The following DERL1 variants were observed in gnomAD, a reference collection of about 807,000 sequenced individuals.
DERL1 encodes derlin-1.
A neutral mutation model predicts 41.6 loss-of-function variants in DERL1; 24 were observed. The ratio of observed to expected loss-of-function variants is 0.58; its 90% CI spans 0.42 to 0.81. The LOEUF (loss-of-function observed/expected upper bound fraction) is 0.81. Among genes scored for constraint, DERL1 ranks in the 30% least tolerant of loss-of-function variants. DERL1 has a pLI of 0.00. For missense variants in DERL1, 260 were observed against 314.3 expected, an observed-to-expected ratio of 0.83 and a Z score of 1.31; for synonymous variants, 124 against 112.5, an observed-to-expected ratio of 1.10 and a Z score of -0.65.
intron 7 of DERL1, 70 bp downstream of exon 7, chr8:123,019,125 G>T: frequency 9.5e-7 from 1 of 1,051,178 alleles, no homozygotes; most frequent in Non-Finnish European, 1.5e-6. Context: ...ACTCCTCATG[G>T]AGCTCTCATT....
At chr8:123,033,403 T>A (rs754750717) in intron 1 of DERL1, among the ~76,000 whole-genome samples, 2 of 152,232 alleles carry the variant, frequency 1.3e-5, no homozygotes, top group African/African-American at 2.4e-5. Context: ...TTCTACCTTT[T>A]TATACTTAAC....
Position 123,018,968 on chromosome 8 carries a change from C to G in DERL1, c.617+227G>C, listed in dbSNP as rs1814681463. ...GAGATGCCTCCTGTAATGTTGGAAT[C>G]TAGTTGTCAGTGGTCCCTGGCTAAA... On this transcript the variant is annotated intron_variant, in intron 7 of 7. Coordinates refer to ENST00000259512, the MANE Select transcript of DERL1 (RefSeq NM_024295.6). The G allele has an allele frequency of 9.4e-6, 5 of 530,942 alleles. No individual in the cohort carries two copies. In the South Asian group the frequency reaches 1.1e-4, roughly 12 times the overall value. The allele number at this position is 530,942 out of a possible 1,614,324, so 32.9% of individuals were successfully genotyped here.
chr8:123,038,050 T>C (rs1287795662), intron 1 of DERL1, among the ~76,000 whole-genome samples: 2 of 152,176 alleles, frequency 1.3e-5, no homozygotes, highest in African/African-American at 4.8e-5. Context: ...TAATGAGTCT[T>C]AACACACACC....
In DERL1 at chr8:123,026,447, TAC is replaced by T. The variant is rs146094878; in HGVS notation, c.266-1399_266-1398del. On this transcript the variant is annotated intron_variant, in intron 2 of 7. Transcript: ENST00000259512. ...ATTTACAAATTAACTGGTTTCAAAT[TAC>T]AGTCTTCCAGTTCAAATCAGAAACC... 7.4e-3 allele frequency among the ~76,000 whole-genome samples: 1,127 copies of T among 152,342 alleles called. 15 individuals carry two copies. Among genetic ancestry groups the T allele is most frequent in the African/African-American group, 0.026 (1,074 of 41,576 alleles).
chr8:123,041,971 T>G lies in DERL1; in HGVS notation c.152A>C (p.Gln51Pro). Residue 51 changes from glutamine to proline, a missense_variant and splice_region_variant, in exon 1 of 8, where the codon CAG (glutamine) becomes CCG (proline). By Grantham distance (76) the Gln-to-Pro change is moderately conservative (BLOSUM62 -1). Coordinates refer to ENST00000259512, the MANE Select transcript of DERL1 (RefSeq NM_024295.6). Reference sequence around the variant, plus strand: ...ACGCCCCCCGTCTCCGGTAAGTACCTGAAAGCGATAAAGGAAGGCTTCGGG... The same window carrying G: ...ACGCCCCCCGTCTCCGGTAAGTACCGGAAAGCGATAAAGGAAGGCTTCGGG... Reference protein sequence around the residue: ...LWPEAFLYRFQIWRPITATFY... With the variant: ...LWPEAFLYRFPIWRPITATFY... 1 of 1,609,020 alleles carries G rather than the reference T, an allele frequency of 6.2e-7. No individual in the cohort carries two copies. Among genetic ancestry groups the G allele is most frequent in the Non-Finnish European group, 8.5e-7 (1 of 1,176,788 alleles).
Position 123,030,629 on chromosome 8 carries a change from G to C in DERL1, c.241C>G (p.Gln81Glu). 1 of 1,608,284 alleles carries C rather than the reference G, an allele frequency of 6.2e-7. No individual in the cohort carries two copies. The highest frequency in any genetic ancestry group is 8.5e-7 in the Non-Finnish European group (1 of 1,176,806). Residue 81 changes from glutamine to glutamate, a missense_variant, in exon 2 of 8, where the codon CAG becomes GAG. Transcript: ENST00000259512. The stretch of plus-strand genomic sequence containing the variant: ...CCTGTTTCAAGTCGCGTAGAATACT[G>C]ATATAAGAAATATAAATTGACCAAA... Reference protein sequence around the residue: ...LYLVNLYFLYQYSTRLETGAF... With the variant: ...LYLVNLYFLYEYSTRLETGAF...
intron 1 of DERL1, among the ~76,000 whole-genome samples, chr8:123,040,490 G>A (rs147761426): frequency 4.5e-4 from 69 of 152,334 alleles, no homozygotes; most frequent in African/African-American, 1.5e-3. Flanking sequence ...ACAAGTTGGA[G>A]AGTAGTAGGA....
At position 123,042,097 on chromosome 8, in the gene DERL1, C is replaced by T; in HGVS notation, c.26G>A (p.Arg9Lys). 1 of 1,612,248 alleles carries T rather than the reference C, an allele frequency of 6.2e-7. No homozygotes were observed. Among genetic ancestry groups the T allele is most frequent in the Non-Finnish European group, 8.5e-7 (1 of 1,178,786 alleles). ...ATAGCGCGTGATCGCCGGGATGCTC[C>T]TGAACCAGTCTCCGATGTCCGACAT... MSDIGDWF[R>K]SIPAITRYWF... The change falls in exon 1 of 8, where the codon AGG (arginine) becomes AAG (lysine). Residue 9 changes from arginine to lysine, a missense_variant. Transcript: ENST00000259512.
chr8:123,037,661 T>C (rs776406569), intron 1 of DERL1, among the ~76,000 whole-genome samples: 2 of 152,198 alleles, frequency 1.3e-5, no homozygotes, highest in African/African-American at 2.4e-5. Context: ...TACATACTTA[T>C]TTTTTTCGTA....
chr8:123,020,182 A>C (rs921578721), intron 6 of DERL1, among the ~76,000 whole-genome samples: 1 of 152,228 alleles, frequency 6.6e-6, no homozygotes, highest in African/African-American at 2.4e-5. Flanking sequence ...TTTGTAGTAT[A>C]AGAAATGGGA....
chr8:123,022,575 A>G (rs763310870), intron 5 of DERL1, 109 bp downstream of exon 5: 2 of 1,012,406 alleles, frequency 2.0e-6, no homozygotes, highest in Non-Finnish European at 3.1e-6. Flanking sequence ...CCTATGGTAC[A>G]CTGCTCTGCA....
rs192415678 is a variant in DERL1, at chr8:123,023,781, T to C, written c.331-42A>G. The stretch of plus-strand genomic sequence containing the variant: ...AAAGATCAGACATAAAAAAGCATTC[T>C]GTACCTAGTCAAGACTGATGTGGTT... On this transcript the variant is annotated intron_variant, in intron 3 of 7. Transcript: ENST00000259512. The C allele has an allele frequency of 1.9e-6, 3 of 1,604,300 alleles. No homozygotes were observed. The East Asian group carries it at 6.7e-5, about 36-fold the overall frequency.
intron 3 of DERL1, among the ~76,000 whole-genome samples, chr8:123,023,965 T>A (rs1812624829): frequency 6.6e-6 from 1 of 152,226 alleles, no homozygotes. Context: ...TTTATATACA[T>A]ATTTTTTTAA....
chr8:123,041,957 C>G lies in DERL1; in HGVS notation c.153+13G>C, dbSNP rs758894726. 20 of 1,598,960 alleles carry G rather than the reference C, an allele frequency of 1.3e-5. No individual in the cohort carries two copies. The highest frequency in any genetic ancestry group is 6.0e-6 in the Non-Finnish European group (7 of 1,170,288). On this transcript the variant is annotated intron_variant, in intron 1 of 7. Coordinates refer to ENST00000259512, the MANE Select transcript of DERL1 (RefSeq NM_024295.6). ...GGCCTGTAGTCTCCACGCCCCCCGT[C>G]TCCGGTAAGTACCTGAAAGCGATAA...
In DERL1 at chr8:123,037,619, T is replaced by C. The variant is rs149310981; in HGVS notation, c.153+4351A>G. Among the ~76,000 whole-genome samples the C allele has an allele frequency of 1.1e-3, 174 of 152,354 alleles. No individual in the cohort carries two copies. The Middle Eastern group carries it at 0.027, about 24-fold the overall frequency. ...AGGAAAAACAATTTGCTATGATTGA[T>C]TTGGAAGAAATCACCTTCAAAAATG... On this transcript the variant is annotated intron_variant, in intron 1 of 7. Coordinates refer to ENST00000259512, the MANE Select transcript of DERL1 (RefSeq NM_024295.6).
At chr8:123,021,585 CA>C (rs1812541719) in intron 5 of DERL1, 86 bp from the exon 6 acceptor site, 2 of 1,198,276 alleles carry the variant, frequency 1.7e-6, no homozygotes, top group Non-Finnish European at 2.5e-6. Context: ...GGTAAGGATA[CA>C]CTGACAAGGG....
chr8:123,034,418 T>C (rs1563634897), intron 1 of DERL1, among the ~76,000 whole-genome samples: 1 of 152,234 alleles, frequency 6.6e-6, no homozygotes, highest in East Asian at 1.9e-4. Flanking sequence ...AAGTTTTTGC[T>C]TATAAGTCAC....
intron 5 of DERL1, 123 bp downstream of exon 5, chr8:123,022,561 C>A: frequency 2.3e-6 from 2 of 852,754 alleles, no homozygotes; most frequent in Non-Finnish European, 3.8e-6. Flanking sequence ...CAGAAAGGGG[C>A]TTGCCTATGG....
intron 1 of DERL1, among the ~76,000 whole-genome samples, chr8:123,040,069 T>C (rs1421230544): frequency 1.3e-4 from 20 of 152,082 alleles, no homozygotes; most frequent in Admixed American, 1.3e-3. Context: ...ATACAAAAAT[T>C]AGCTGGGCAT....
Sources: allele counts gnomAD v4.1 joint callset (sites outside exome capture counted in the v4.1 genomes callset), GRCh38; gene constraint gnomAD v4.1.1; transcripts MANE v1.5; gene names NCBI Gene and HGNC (gene_info 2026-07-23, HGNC 2026-07-21).